DMGDH: variants seen among roughly 807,000 people sequenced by gnomAD.
DMGDH encodes the protein dimethylglycine dehydrogenase, mitochondrial.
A neutral mutation model predicts 95.2 loss-of-function variants in DMGDH; 76 were observed. That is an observed-to-expected ratio of 0.80 (90% CI 0.66 to 0.97). DMGDH has a LOEUF of 0.97. Among genes scored for constraint, DMGDH ranks in the 50% least tolerant of loss-of-function variants. The probability of loss-of-function intolerance (pLI) is 0.00; values close to 1 mark genes in which losing one functional copy is unlikely to be tolerated. For synonymous variants in DMGDH, 345 were observed against 377.6 expected (o/e 0.91, Z 1.00); for missense variants, 987 against 1,055.0 (o/e 0.94, Z 0.89).
intron 5 of DMGDH, among the ~76,000 whole-genome samples, chr5:79,049,779 T>G (rs1455593800): frequency 6.6e-6 from 1 of 152,226 alleles, no homozygotes; most frequent in Admixed American, 6.5e-5. Context: ...ACCACTGCTC[T>G]TATTTTTTAG....
rs570851290 is a variant in DMGDH at position 79,064,216 on chromosome 5, G to A, written c.102-429C>T. The stretch of plus-strand genomic sequence containing the variant: ...AAAAATACAAAAATTATCCAGGCTT[G>A]GTGGCACATGCCTATAGTCCCAGCT... On this transcript the variant is annotated intron_variant, in intron 1 of 15. Transcript: ENST00000255189. Among the ~76,000 whole-genome samples, 307 of 152,144 alleles carry A rather than the reference G, an allele frequency of 2.0e-3. 1 individual carries two copies. The highest frequency in any genetic ancestry group is 3.4e-3 in the Non-Finnish European group (229 of 67,994).
chr5:79,001,175 T>C (rs1753446904), intron 15 of DMGDH: 2 of 459,776 alleles, frequency 4.3e-6, no homozygotes, highest in Non-Finnish European at 7.8e-6. Flanking sequence ...TGTTTGCTTG[T>C]TTTTTGAGAT....
chr5:79,018,207 C>T (rs1753777044), intron 14 of DMGDH, among the ~76,000 whole-genome samples: 1 of 152,046 alleles, frequency 6.6e-6, no homozygotes, highest in Non-Finnish European at 1.5e-5. Context: ...GTCACCATGC[C>T]CGGCTAATTT....
chr5:79,069,041 G>T (rs563952450), intron 1 of DMGDH, among the ~76,000 whole-genome samples: 1 of 152,270 alleles, frequency 6.6e-6, no homozygotes, highest in South Asian at 2.1e-4. Context: ...TCACATGCAC[G>T]TTATTTGCAG....
Position 79,003,815 on chromosome 5 carries a change from C to A in DMGDH, c.2385+1458G>T, listed in dbSNP as rs548774825. On this transcript the variant is annotated intron_variant, in intron 15 of 15. Transcript: ENST00000255189. ...TACAAAAATTAGCCAAGCATGGTGG[C>A]ACGCACCTGTAAACCCAGCTACTGG... Among the ~76,000 whole-genome samples the A allele has an allele frequency of 4.3e-4, 66 of 152,218 alleles. No homozygotes were observed. In the South Asian group the frequency reaches 9.5e-3, roughly 22 times the overall value.
rs114872751 is a variant in DMGDH at position 79,047,444 on chromosome 5, A to G, written c.746-2892T>C. Among the ~76,000 whole-genome samples the G allele has an allele frequency of 8.6e-3, 1,317 of 152,308 alleles. 16 individuals are homozygous for G. Among genetic ancestry groups the G allele is most frequent in the African/African-American group, 0.03 (1,250 of 41,562 alleles). On this transcript the variant is annotated intron_variant, in intron 5 of 15. Transcript: ENST00000255189. ...TGAACACTGAGCTTCAGGTGAGCAC[A>G]ACCCAATCACATTTCTGATTTGCCA...
At chr5:79,034,240 AT>A (rs1294877752) in intron 7 of DMGDH, among the ~76,000 whole-genome samples, 1 of 152,192 alleles carries the variant, frequency 6.6e-6, no homozygotes, top group Non-Finnish European at 1.5e-5. Flanking sequence ...TTGAGCCATT[AT>A]CTTAGAAACA....
At position 79,019,977 on chromosome 5, in the gene DMGDH, T is replaced by C. The variant is rs546331291; in HGVS notation, c.2250+4294A>G. On this transcript the variant is annotated intron_variant, in intron 14 of 15. Transcript: ENST00000255189. ...TTCTGATTTTGGGGGTCTGGGATGG[T>C]ACTCAACAATTTGAATTTTCTAGCA... Among the ~76,000 whole-genome samples, 205 of 152,290 alleles carry C rather than the reference T, an allele frequency of 1.3e-3. 1 individual carries two copies. Among genetic ancestry groups the C allele is most frequent in the African/African-American group, 4.7e-3 (196 of 41,554 alleles).
intron 14 of DMGDH, among the ~76,000 whole-genome samples, chr5:79,006,850 C>CCCCCG (rs142991064): frequency 6.7e-4 from 99 of 147,664 alleles, no homozygotes; most frequent in African/African-American, 2.2e-3. Context: ...CTGAGACCCC[C>CCCCCG]CCAGTCCATT....
chr5:79,061,224 C>CACAT (rs1254735068), intron 2 of DMGDH, among the ~76,000 whole-genome samples: 10 of 26,056 alleles, frequency 3.8e-4, no homozygotes, highest in East Asian at 4.0e-3. Flanking sequence ...GTCTCAAACA[C>CACAT]ACACACACAC....
At chr5:79,026,620 A>G (rs1281463800) in intron 12 of DMGDH, 39 bp from the exon 13 acceptor site, 1 of 1,613,654 alleles carries the variant, frequency 6.2e-7, no homozygotes, top group Non-Finnish European at 8.5e-7. Flanking sequence ...GGGCAAGAAC[A>G]ATGATCACTA....
intron 7 of DMGDH, among the ~76,000 whole-genome samples, chr5:79,039,598 C>G (rs1368999283): frequency 6.6e-6 from 1 of 151,878 alleles, no homozygotes; most frequent in Non-Finnish European, 1.5e-5. Context: ...AGGAGATACA[C>G]CTAATGCTAA....
At chr5:79,062,825 G>T (rs555509970) in intron 2 of DMGDH, among the ~76,000 whole-genome samples, 41 of 152,310 alleles carry the variant, frequency 2.7e-4, no homozygotes, top group African/African-American at 9.4e-4. Flanking sequence ...CAGGCGCAGT[G>T]GTTCACTCCT....
chr5:79,002,852 T>C (rs1753476866), intron 15 of DMGDH, among the ~76,000 whole-genome samples: 1 of 152,164 alleles, frequency 6.6e-6, no homozygotes. Flanking sequence ...ATGACCTTAC[T>C]AAGCATCAAA....
chr5:79,056,043 C>A, intron 2 of DMGDH, 135 bp from the exon 3 acceptor site: 1 of 667,566 alleles, frequency 1.5e-6, no homozygotes, highest in Non-Finnish European at 2.7e-6. Context: ...GATGAGAACA[C>A]ATCAGCACCA....
intron 14 of DMGDH, among the ~76,000 whole-genome samples, chr5:79,011,144 A>G (rs988726271): frequency 2.6e-5 from 4 of 152,186 alleles, no homozygotes; most frequent in African/African-American, 9.7e-5. Flanking sequence ...GGATTCATTC[A>G]TTTGGGGGAA....
chr5:79,005,357 C>CCCCTTGGCTTTAATCTGTTTCAGT lies in DMGDH; in HGVS notation c.2277_2300dup (p.Gln762_Lys769dup). The CCCCTTGGCTTTAATCTGTTTCAGT allele has an allele frequency of 6.2e-7, 1 of 1,613,998 alleles. No homozygotes were observed. Among genetic ancestry groups the CCCCTTGGCTTTAATCTGTTTCAGT allele is most frequent in the Non-Finnish European group, 8.5e-7 (1 of 1,179,978 alleles). On this transcript the variant is annotated inframe_insertion, in exon 15 of 16. Coordinates refer to ENST00000255189, the MANE Select transcript of DMGDH (RefSeq NM_013391.3). The stretch of plus-strand genomic sequence containing the variant: ...TGAGGCAGACCAGTCTTCGTTTCAG[C>CCCCTTGGCTTTAATCTGTTTCAGT]CCCTTGGCTTTAATCTGTTTCAGTG...
At chr5:79,035,524 G>A (rs897238909) in intron 7 of DMGDH, among the ~76,000 whole-genome samples, 5 of 152,060 alleles carry the variant, frequency 3.3e-5, no homozygotes, top group Admixed American at 1.3e-4. Context: ...CCTTGTTATC[G>A]GACTTTCCTA....
intron 14 of DMGDH, among the ~76,000 whole-genome samples, chr5:79,011,044 A>G (rs886944575): frequency 1.3e-5 from 2 of 152,170 alleles, no homozygotes; most frequent in African/African-American, 4.8e-5. Flanking sequence ...AGTCTATGAC[A>G]ATCTGAACTT....
Sources: allele counts gnomAD v4.1 joint callset (sites outside exome capture counted in the v4.1 genomes callset), GRCh38; gene constraint gnomAD v4.1.1; transcripts MANE v1.5; gene names NCBI Gene and HGNC (gene_info 2026-07-23, HGNC 2026-07-21).